MGAT5: variants seen among roughly 807,000 people sequenced by gnomAD.
The protein encoded by MGAT5 is alpha-1,6-mannosylglycoprotein 6-beta-N-acetylglucosaminyltransferase.
MGAT5 carries 30 observed loss-of-function variants against 94.3 expected under a neutral mutation model. That is an observed-to-expected ratio of 0.32 (90% CI 0.24 to 0.43). The LOEUF (loss-of-function observed/expected upper bound fraction) is 0.43, where lower values mean the gene tolerates loss of function less well. Ranked by LOEUF, MGAT5 falls within the 20% of genes least tolerant of loss-of-function variation. MGAT5 has a pLI of 1.00. For synonymous variants in MGAT5, 310 were observed against 322.9 expected (o/e 0.96, Z 0.43); for missense variants, 691 against 905.5 (o/e 0.76, Z 3.04).
At chr2:134,231,094 G>T (rs1004628766) in intron 1 of MGAT5, 13 of 152,312 alleles carry the variant, frequency 8.5e-5, no homozygotes, top group African/African-American at 2.6e-4. Flanking sequence ...AAAGTAGAAT[G>T]AGTGCTTGCT....
chr2:134,310,479 C>G (rs1407224323), intron 2 of MGAT5, among the ~76,000 whole-genome samples: 2 of 152,078 alleles, frequency 1.3e-5, no homozygotes, highest in Admixed American at 6.5e-5. Context: ...TTATTTTATG[C>G]AATGATGATT....
intron 1 of MGAT5, among the ~76,000 whole-genome samples, chr2:134,172,929 A>T (rs1438343409): frequency 1.3e-5 from 2 of 152,186 alleles, no homozygotes; most frequent in Non-Finnish European, 2.9e-5. Flanking sequence ...CTCTGACAAC[A>T]TCACAGGAGG....
intron 1 of MGAT5, among the ~76,000 whole-genome samples, chr2:134,192,020 C>T (rs1474752993): frequency 2.1e-5 from 3 of 146,232 alleles, no homozygotes; most frequent in East Asian, 2.2e-4. Context: ...CTCGCGTGAG[C>T]GGGTTCCTGA....
chr2:134,157,460 A>G (rs1171188636), intron 1 of MGAT5, among the ~76,000 whole-genome samples: 6 of 152,256 alleles, frequency 3.9e-5, no homozygotes, highest in Admixed American at 2.0e-4. Flanking sequence ...TAACAAAACC[A>G]TGGTTACTAC....
chr2:134,344,881 G>A (rs768891459), intron 7 of MGAT5, 49 bp from the exon 8 acceptor site: 1 of 1,587,162 alleles, frequency 6.3e-7, no homozygotes. Flanking sequence ...TACCTTTTAA[G>A]TAAATGATTT....
intron 15 of MGAT5, among the ~76,000 whole-genome samples, chr2:134,444,401 T>C (rs1180829889): frequency 6.6e-6 from 1 of 152,250 alleles, no homozygotes; most frequent in African/African-American, 2.4e-5. Context: ...CGGGCTTTCT[T>C]AGCAGGAGGC....
intron 1 of MGAT5, among the ~76,000 whole-genome samples, chr2:134,221,204 C>T (rs150377502): frequency 9.4e-4 from 143 of 152,230 alleles, no homozygotes; most frequent in African/African-American, 3.2e-3. Flanking sequence ...GGTTGGGGTA[C>T]AGCTTGGTTT....
At chr2:134,162,842 C>T (rs1180066485) in intron 1 of MGAT5, among the ~76,000 whole-genome samples, 1 of 152,204 alleles carries the variant, frequency 6.6e-6, no homozygotes, top group Non-Finnish European at 1.5e-5. Flanking sequence ...TGCAATTTCA[C>T]AGAAGATGAA....
At chr2:134,393,947 A>C (rs549037671) in intron 10 of MGAT5, among the ~76,000 whole-genome samples, 1 of 150,972 alleles carries the variant, frequency 6.6e-6, no homozygotes, top group Non-Finnish European at 1.5e-5. Flanking sequence ...GGTGCATTGA[A>C]TTCAGGCTGC....
chr2:134,370,949 A>C (rs1007035014), intron 10 of MGAT5, among the ~76,000 whole-genome samples: 2 of 152,220 alleles, frequency 1.3e-5, no homozygotes, highest in African/African-American at 2.4e-5. Context: ...GTGAGTAGGA[A>C]TAAGTGTGGA....
intron 1 of MGAT5, among the ~76,000 whole-genome samples, chr2:134,130,199 C>T (rs1486310022): frequency 6.7e-6 from 1 of 149,006 alleles, no homozygotes; most frequent in African/African-American, 2.5e-5. Flanking sequence ...CATGCTGGAG[C>T]CCGCCCCGCC....
At chr2:134,189,866 C>T (rs1166415530) in intron 1 of MGAT5, among the ~76,000 whole-genome samples, 2 of 152,038 alleles carry the variant, frequency 1.3e-5, no homozygotes, top group African/African-American at 4.8e-5. Flanking sequence ...TCCCAAAGTG[C>T]TGGGATTACA....
chr2:134,195,743 G>C (rs926903136), intron 1 of MGAT5, among the ~76,000 whole-genome samples: 1 of 152,172 alleles, frequency 6.6e-6, no homozygotes, highest in Non-Finnish European at 1.5e-5. Context: ...TCTGGTGTGC[G>C]TGAGCCTGTG....
chr2:134,388,635 G>T (rs1193528426), intron 10 of MGAT5, among the ~76,000 whole-genome samples: 3 of 152,044 alleles, frequency 2.0e-5, no homozygotes, highest in Non-Finnish European at 4.4e-5. Flanking sequence ...GTTATACCAG[G>T]TTATTTATCC....
intron 1 of MGAT5, among the ~76,000 whole-genome samples, chr2:134,214,890 A>G (rs1174022356): frequency 6.6e-6 from 1 of 152,158 alleles, no homozygotes; most frequent in East Asian, 1.9e-4. Context: ...TTTCAAATGG[A>G]CACCCACCTA....
intron 10 of MGAT5, among the ~76,000 whole-genome samples, chr2:134,381,178 G>T (rs1311096828): frequency 6.6e-6 from 1 of 152,068 alleles, no homozygotes; most frequent in East Asian, 1.9e-4. Flanking sequence ...GCTGGGTATG[G>T]TGGTGTGTTC....
chr2:134,285,794 T>C (rs868493742), intron 2 of MGAT5, among the ~76,000 whole-genome samples: 11 of 152,152 alleles, frequency 7.2e-5, no homozygotes, highest in Non-Finnish European at 1.3e-4. Context: ...AAGATGGGAA[T>C]TTAGCTCTCT....
At chr2:134,147,938 G>A (rs1282175737) in intron 1 of MGAT5, among the ~76,000 whole-genome samples, 3 of 152,126 alleles carry the variant, frequency 2.0e-5, no homozygotes, top group South Asian at 2.1e-4. Flanking sequence ...AATCCATATC[G>A]CACTACAGTT....
rs75852420 is a variant in MGAT5 at position 134,187,970 on chromosome 2, G to A, written c.-142-66292G>A. On this transcript the variant is annotated intron_variant, in intron 1 of 16. Transcript: ENST00000409645. ...AGATTCCGCCTGTGGTGAAAGAGAC[G>A]GTGCTGAAAAGGAAAAACTTTGAAC... Among the ~76,000 whole-genome samples, 1,215 of 152,310 alleles carry A rather than the reference G, an allele frequency of 8.0e-3. 61 individuals are homozygous for A. The highest frequency in any genetic ancestry group is 0.069 in the Admixed American group (1,058 of 15,302).
Sources: allele counts gnomAD v4.1 joint callset (sites outside exome capture counted in the v4.1 genomes callset), GRCh38; gene constraint gnomAD v4.1.1; transcripts MANE v1.5; gene names NCBI Gene and HGNC (gene_info 2026-07-23, HGNC 2026-07-21).